The following GAS7 variants were observed in gnomAD, a reference collection of about 807,000 sequenced individuals.
GAS7 encodes the protein growth arrest-specific protein 7.
A neutral mutation model predicts 71.1 loss-of-function variants in GAS7; 28 were observed. That is an observed-to-expected ratio of 0.39 (90% CI 0.29 to 0.54). The LOEUF (loss-of-function observed/expected upper bound fraction) is 0.54. Among genes scored for constraint, GAS7 ranks in the 20% least tolerant of loss-of-function variants. GAS7 has a pLI of 0.62. For synonymous variants in GAS7, 258 were observed against 245.8 expected (o/e 1.05, Z -0.46); for missense variants, 436 against 627.8 (o/e 0.69, Z 3.27).
intron 1 of GAS7, among the ~76,000 whole-genome samples, chr17:10,145,677 G>A (rs1256312558): frequency 1.3e-5 from 2 of 152,218 alleles, no homozygotes; most frequent in Admixed American, 1.3e-4. Context: ...AACCACGCTT[G>A]CTGCTGAACG....
At chr17:10,113,230 G>T (rs1328033691) in intron 1 of GAS7, among the ~76,000 whole-genome samples, 3 of 152,224 alleles carry the variant, frequency 2.0e-5, no homozygotes, top group African/African-American at 7.2e-5. Flanking sequence ...CCTACTCGCT[G>T]CTAGCAGAAG....
intron 1 of GAS7, among the ~76,000 whole-genome samples, chr17:10,031,656 C>A (rs182104408): frequency 9.2e-5 from 14 of 152,298 alleles, no homozygotes; most frequent in Admixed American, 9.2e-4. Context: ...ATGGTCGTTG[C>A]ACCTGCTGTA....
intron 1 of GAS7, among the ~76,000 whole-genome samples, chr17:10,180,331 CAA>C (rs34829725): frequency 1.7e-4 from 16 of 96,416 alleles, no homozygotes; most frequent in Non-Finnish European, 2.0e-4. Context: ...AACTCTGCCT[CAA>C]AAAAAAAAAA....
intron 1 of GAS7, among the ~76,000 whole-genome samples, chr17:10,080,423 C>G (rs2073446545): frequency 6.6e-6 from 1 of 152,198 alleles, no homozygotes; most frequent in Admixed American, 6.5e-5. Flanking sequence ...AAATAGGCAA[C>G]CAGCAGCCCT....
intron 1 of GAS7, among the ~76,000 whole-genome samples, chr17:10,120,033 C>T (rs2073892331): frequency 6.6e-6 from 1 of 152,218 alleles, no homozygotes; most frequent in Non-Finnish European, 1.5e-5. Flanking sequence ...GGCAGGACTG[C>T]TAGTGAGCAG....
chr17:10,128,712 C>T (rs934130410), intron 1 of GAS7, among the ~76,000 whole-genome samples: 8 of 151,900 alleles, frequency 5.3e-5, no homozygotes, highest in African/African-American at 7.2e-5. Flanking sequence ...CTCCGCCTCC[C>T]GGGTTCACAC....
At chr17:10,186,283 G>C (rs140211670) in intron 1 of GAS7, among the ~76,000 whole-genome samples, 2 of 151,772 alleles carry the variant, frequency 1.3e-5, no homozygotes, top group Non-Finnish European at 2.9e-5. Context: ...CAAGAGCCTC[G>C]AGTGATATGC....
intron 1 of GAS7, among the ~76,000 whole-genome samples, chr17:10,146,960 T>TAA (rs1252230604): frequency 6.9e-6 from 1 of 144,768 alleles, no homozygotes; most frequent in Non-Finnish European, 1.5e-5. Context: ...CTCCGTCTCA[T>TAA]AAAAAAAACG....
intron 1 of GAS7, 169 bp from the exon 2 acceptor site, chr17:10,020,066 C>T (rs1321658955): frequency 1.9e-5 from 12 of 622,768 alleles, no homozygotes; most frequent in Non-Finnish European, 2.8e-5. Flanking sequence ...TCCGGGGTTG[C>T]GTGAGCATGA....
intron 1 of GAS7, among the ~76,000 whole-genome samples, chr17:10,022,839 A>T (rs2072322117): frequency 6.6e-6 from 1 of 151,986 alleles, no homozygotes; most frequent in Non-Finnish European, 1.5e-5. Flanking sequence ...TTCCAATACT[A>T]CCCGACTTGA....
At chr17:10,007,902 T>TC (rs915305975) in intron 2 of GAS7, among the ~76,000 whole-genome samples, 14 of 97,956 alleles carry the variant, frequency 1.4e-4, no homozygotes, top group Non-Finnish European at 2.6e-4. Flanking sequence ...TAATTCCAGC[T>TC]CCCCCCCGCA....
At chr17:10,000,105 CT>C (rs2071211802) in intron 2 of GAS7, among the ~76,000 whole-genome samples, 1 of 152,200 alleles carries the variant, frequency 6.6e-6, no homozygotes, top group Admixed American at 6.5e-5. Flanking sequence ...CTGTTTCATA[CT>C]GAGATGGTCA....
chr17:9,947,681 T>C (rs897863894), intron 5 of GAS7, among the ~76,000 whole-genome samples: 3 of 151,596 alleles, frequency 2.0e-5, no homozygotes, highest in Non-Finnish European at 4.4e-5. Flanking sequence ...GAGGCAGAGG[T>C]TGCAGTGAGC....
At chr17:10,118,818 G>A (rs963084117) in intron 1 of GAS7, among the ~76,000 whole-genome samples, 3 of 150,930 alleles carry the variant, frequency 2.0e-5, no homozygotes, top group Admixed American at 1.3e-4. Context: ...CAGGCCCAGC[G>A]CAGGTGGCCA....
In GAS7 at chr17:9,914,454, C is replaced by T. The variant is rs1416284337; in HGVS notation, c.*2774G>A. Reference sequence around the variant, plus strand: ...TGTTAGCCAGGATGGTCTCGATCTCCTGACCTCGTGATCTGCCCACCTCGG... The same window carrying T: ...TGTTAGCCAGGATGGTCTCGATCTCTTGACCTCGTGATCTGCCCACCTCGG... On this transcript the variant is annotated 3_prime_UTR_variant, in exon 14 of 14. Coordinates refer to ENST00000432992, the MANE Select transcript of GAS7 (RefSeq NM_201433.2). The T allele has an allele frequency of 5.5e-6, 1 of 180,546 alleles. No homozygotes were observed. Among genetic ancestry groups the T allele is most frequent in the African/African-American group, 2.4e-5 (1 of 42,376 alleles). 11.2% of individuals were successfully genotyped at this position (180,546 alleles called of 1,614,324 possible). A position where few individuals can be genotyped will look rare whatever the true frequency, so the allele number is the denominator to read the frequency against.
intron 1 of GAS7, among the ~76,000 whole-genome samples, chr17:10,056,911 T>C (rs1008809645): frequency 2.3e-4 from 35 of 152,180 alleles, no homozygotes; most frequent in Admixed American, 2.0e-3. Context: ...TGCCTCAGCC[T>C]GCCAAGTGCC....
At chr17:9,929,454 T>C (rs2068130192) in intron 9 of GAS7, among the ~76,000 whole-genome samples, 1 of 152,170 alleles carries the variant, frequency 6.6e-6, no homozygotes, top group Admixed American at 6.5e-5. Context: ...TCCATCTCGC[T>C]ACAGACATCA....
At chr17:10,121,171 G>A (rs534439384) in intron 1 of GAS7, among the ~76,000 whole-genome samples, 4 of 152,158 alleles carry the variant, frequency 2.6e-5, no homozygotes, top group South Asian at 2.1e-4. Context: ...ACCTGAGGTC[G>A]GGAGTTTGAG....
Position 9,915,938 on chromosome 17 carries a change from AC to A in GAS7, c.*1289del. On this transcript the variant is annotated 3_prime_UTR_variant, in exon 14 of 14. Transcript: ENST00000432992. ...TGAAAGCTTCCCAAGTCACACTCAG[AC>A]CAGACTTTTCCAGGGATTGGAAGAT... is the stretch of plus-strand genomic sequence containing the variant. The A allele has an allele frequency of 4.3e-6, 1 of 232,904 alleles. No individual in the cohort carries two copies. The highest frequency in any genetic ancestry group is 8.5e-6 in the Non-Finnish European group (1 of 117,848). The allele number at this position is 232,904 out of a possible 1,614,324, so 14.4% of individuals were successfully genotyped here. A position where few individuals can be genotyped will look rare whatever the true frequency, so the allele number is the denominator to read the frequency against.
Sources: allele counts gnomAD v4.1 joint callset (sites outside exome capture counted in the v4.1 genomes callset), GRCh38; gene constraint gnomAD v4.1.1; transcripts MANE v1.5; gene names NCBI Gene and HGNC (gene_info 2026-07-23, HGNC 2026-07-21).